The following CADPS2 variants were observed in gnomAD, a reference collection of about 807,000 sequenced individuals.
CADPS2 encodes calcium dependent secretion activator 2, also known as calcium-dependent secretion activator 2.
A neutral mutation model predicts 172.5 loss-of-function variants in CADPS2; 93 were observed. The ratio of observed to expected loss-of-function variants is 0.54; its 90% CI spans 0.46 to 0.64. The LOEUF is 0.64. Ranked by LOEUF, CADPS2 falls within the 30% of genes least tolerant of loss-of-function variation. The pLI is 0.00. For missense variants in CADPS2, 1,420 were observed against 1,565.9 expected (o/e 0.91, Z 1.57); for synonymous variants, 546 against 555.2 (o/e 0.98, Z 0.23).
Position 122,548,111 on chromosome 7 carries a change from T to G in CADPS2, c.1475+6439A>C, listed in dbSNP as rs559825798. Among the ~76,000 whole-genome samples the G allele has an allele frequency of 1.2e-4, 18 of 152,228 alleles. 1 individual carries two copies. The highest frequency in any genetic ancestry group is 8.3e-4 in the South Asian group (4 of 4,824). ...AGCTGGGTGTGGTGGCTCACACTTG[T>G]AATCTCAGCACTTTGGGAGGCTGAG... On this transcript the variant is annotated intron_variant, in intron 8 of 29. Coordinates refer to ENST00000449022, the MANE Select transcript of CADPS2 (RefSeq NM_017954.11).
At chr7:122,352,688 T>C (rs1332595574) in intron 27 of CADPS2, among the ~76,000 whole-genome samples, 1 of 152,216 alleles carries the variant, frequency 6.6e-6, no homozygotes, top group Non-Finnish European at 1.5e-5. Flanking sequence ...GCTCTCATGC[T>C]GATGTAAAGC....
intron 2 of CADPS2, among the ~76,000 whole-genome samples, chr7:122,667,435 C>A (rs2081297696): frequency 6.6e-6 from 1 of 152,178 alleles, no homozygotes; most frequent in Admixed American, 6.5e-5. Flanking sequence ...CATTTTTGAA[C>A]TCATTTCCCC....
Position 122,786,658 on chromosome 7 carries a change from G to A in CADPS2, c.340-49590C>T, listed in dbSNP as rs761256744. 1.3e-4 allele frequency among the ~76,000 whole-genome samples: 20 copies of A among 152,036 alleles called. 1 individual carries two copies. Among genetic ancestry groups the A allele is most frequent in the Non-Finnish European group, 7.4e-5 (5 of 68,018 alleles). On this transcript the variant is annotated intron_variant, in intron 1 of 29. Coordinates refer to ENST00000449022, the MANE Select transcript of CADPS2 (RefSeq NM_017954.11). ...ATGTAAATTTTTTTACTACTGTTAC[G>A]AGTTTCGTGTTTAAGACAGGAATAC...
chr7:122,503,070 C>A (rs1167246411), intron 9 of CADPS2, among the ~76,000 whole-genome samples: 1 of 145,398 alleles, frequency 6.9e-6, no homozygotes, highest in African/African-American at 2.6e-5. Context: ...CTCGCTCTGT[C>A]GCCCAGGCTG....
intron 5 of CADPS2, 137 bp from the exon 6 acceptor site, chr7:122,615,436 TTTATC>T: frequency 2.1e-6 from 1 of 482,188 alleles, no homozygotes; most frequent in Non-Finnish European, 3.7e-6. Flanking sequence ...TCACTGGTAT[TTTATC>T]TTCTTTATAA....
chr7:122,855,586 G>C (rs1212274480), intron 1 of CADPS2, among the ~76,000 whole-genome samples: 5 of 152,130 alleles, frequency 3.3e-5, no homozygotes, highest in Non-Finnish European at 7.4e-5. Context: ...GGTCTTGAAA[G>C]AAGAATGTGA....
intron 7 of CADPS2, among the ~76,000 whole-genome samples, chr7:122,574,512 T>TA (rs1289833736): frequency 1.4e-5 from 2 of 146,220 alleles, no homozygotes; most frequent in Non-Finnish European, 3.0e-5. Context: ...TGTAGAATGT[T>TA]AGTTTCTAAA....
intron 12 of CADPS2, among the ~76,000 whole-genome samples, chr7:122,478,831 T>C (rs953968063): frequency 6.6e-6 from 1 of 152,128 alleles, no homozygotes; most frequent in African/African-American, 2.4e-5. Flanking sequence ...TGAAAAAAAT[T>C]TGAAATACTT....
At chr7:122,647,187 C>A (rs1012753430) in intron 3 of CADPS2, among the ~76,000 whole-genome samples, 1 of 151,654 alleles carries the variant, frequency 6.6e-6, no homozygotes, top group Admixed American at 6.6e-5. Flanking sequence ...TCACAGTAAG[C>A]GCAGTGAACT....
chr7:122,611,601 A>G lies in CADPS2; in HGVS notation c.1223+3580T>C, dbSNP rs535181821. On this transcript the variant is annotated intron_variant, in intron 6 of 29. Coordinates refer to ENST00000449022, the MANE Select transcript of CADPS2 (RefSeq NM_017954.11). ...AATTAATAATCAGAGAATTACTACC[A>G]AAGAAAAGCTCAGTCCCAGATGGCT... is the stretch of plus-strand genomic sequence containing the variant. Among the ~76,000 whole-genome samples the G allele has an allele frequency of 3.9e-5, 6 of 152,232 alleles. No homozygotes were observed. The East Asian group carries it at 1.2e-3, about 29-fold the overall frequency.
At chr7:122,741,911 G>T (rs2138012444) in intron 1 of CADPS2, among the ~76,000 whole-genome samples, 1 of 152,194 alleles carries the variant, frequency 6.6e-6, no homozygotes, top group East Asian at 1.9e-4. Context: ...TTATTTAAGA[G>T]TTTTCTCTTT....
intron 20 of CADPS2, among the ~76,000 whole-genome samples, chr7:122,393,969 T>G (rs1258893779): frequency 1.3e-5 from 2 of 152,202 alleles, no homozygotes; most frequent in Non-Finnish European, 2.9e-5. Flanking sequence ...ATCTCTGTGC[T>G]ATGCTGTGTA....
chr7:122,837,936 A>G (rs2140847335), intron 1 of CADPS2, among the ~76,000 whole-genome samples: 1 of 152,342 alleles, frequency 6.6e-6, no homozygotes, highest in South Asian at 2.1e-4. Context: ...TTATGAGGCC[A>G]GCATCATCCT....
At chr7:122,463,581 G>A (rs2054745233) in intron 14 of CADPS2, among the ~76,000 whole-genome samples, 1 of 152,210 alleles carries the variant, frequency 6.6e-6, no homozygotes. Context: ...AGTGGGGGAA[G>A]TTACAGCCCT....
chr7:122,443,474 G>A (rs1185960242), intron 15 of CADPS2, among the ~76,000 whole-genome samples: 1 of 151,920 alleles, frequency 6.6e-6, no homozygotes, highest in Non-Finnish European at 1.5e-5. Context: ...TACCTAACAT[G>A]AATAAACTGA....
At chr7:122,796,551 A>C (rs1211339431) in intron 1 of CADPS2, among the ~76,000 whole-genome samples, 1 of 152,174 alleles carries the variant, frequency 6.6e-6, no homozygotes, top group Non-Finnish European at 1.5e-5. Flanking sequence ...AGAGCCCAGA[A>C]ATAAGGCTGC....
intron 17 of CADPS2, among the ~76,000 whole-genome samples, chr7:122,428,155 T>C (rs2049397632): frequency 6.6e-6 from 1 of 152,182 alleles, no homozygotes; most frequent in African/African-American, 2.4e-5. Flanking sequence ...CTTTCAGGGA[T>C]CTGCAAGATT....
intron 2 of CADPS2, among the ~76,000 whole-genome samples, chr7:122,684,308 G>A (rs1184190667): frequency 6.6e-6 from 1 of 152,032 alleles, no homozygotes; most frequent in Non-Finnish European, 1.5e-5. Context: ...TGTACAGAGA[G>A]CATAGTTTTT....
chr7:122,485,501 C>G (rs1454276358), intron 11 of CADPS2, among the ~76,000 whole-genome samples: 1 of 152,216 alleles, frequency 6.6e-6, no homozygotes, highest in Admixed American at 6.5e-5. Context: ...CCCTGCCTTT[C>G]TTCGATTCTA....
Sources: allele counts gnomAD v4.1 joint callset (sites outside exome capture counted in the v4.1 genomes callset), GRCh38; gene constraint gnomAD v4.1.1; transcripts MANE v1.5; gene names NCBI Gene and HGNC (gene_info 2026-07-23, HGNC 2026-07-21).